BBS4: variants seen among roughly 807,000 people sequenced by gnomAD.
BBS4 encodes BBSome complex member BBS4.
In BBS4, 58 loss-of-function variants were observed where a neutral mutation model predicts 71.4. The ratio of observed to expected loss-of-function variants is 0.81; its 90% CI spans 0.66 to 1.01. The LOEUF (loss-of-function observed/expected upper bound fraction) is 1.01, where lower values mean the gene tolerates loss of function less well. BBS4 is among the 50% of genes least tolerant of loss of function. The pLI, the probability that BBS4 is intolerant of heterozygous loss-of-function variation, is 0.00. For missense variants in BBS4, 660 were observed against 607.9 expected, an observed-to-expected ratio of 1.09 and a Z score of -0.90; for synonymous variants, 228 against 216.8, an observed-to-expected ratio of 1.05 and a Z score of -0.46.
Position 72,735,954 on chromosome 15 carries a change from A to AT in BBS4, c.1239dup (p.Asp414Ter). 6.2e-7 allele frequency: 1 copy of AT among 1,614,134 alleles called. No individual in the cohort carries two copies. ...TACTCAAGGACAATAGCTCTCTGGA[A>AT]TTTGACTCTGAGGTATGTCTTTTAT... is the stretch of plus-strand genomic sequence containing the variant. On this transcript the variant is annotated frameshift_variant, in exon 14 of 16. Coordinates refer to ENST00000268057, the MANE Select transcript of BBS4 (RefSeq NM_033028.5). LOFTEE classifies it high-confidence loss of function.
intron 13 of BBS4, chr15:72,735,557 G>C: frequency 1.8e-6 from 1 of 556,158 alleles, no homozygotes; most frequent in Non-Finnish European, 3.2e-6. Flanking sequence ...AGACAGCAGG[G>C]TAGAGATCCC....
At chr15:72,700,101 G>A (rs940773994) in intron 2 of BBS4, among the ~76,000 whole-genome samples, 1 of 152,008 alleles carries the variant, frequency 6.6e-6, no homozygotes, top group African/African-American at 2.4e-5. Context: ...CACCATGCCC[G>A]GCTAATTTTT....
At chr15:72,702,503 ATAATC>A (rs1406169577) in intron 2 of BBS4, among the ~76,000 whole-genome samples, 6 of 152,166 alleles carry the variant, frequency 3.9e-5, no homozygotes, top group Non-Finnish European at 8.8e-5. Flanking sequence ...AGGAAATAAA[ATAATC>A]TAAGCTATAA....
chr15:72,717,989 C>G (rs769749542), intron 6 of BBS4, among the ~76,000 whole-genome samples: 1 of 152,088 alleles, frequency 6.6e-6, no homozygotes, highest in Non-Finnish European at 1.5e-5. Context: ...GCTGGGATTA[C>G]AGGCGCCTGC....
intron 1 of BBS4, among the ~76,000 whole-genome samples, chr15:72,689,603 C>A (rs1384568355): frequency 6.6e-6 from 1 of 151,748 alleles, no homozygotes; most frequent in Non-Finnish European, 1.5e-5. Context: ...CGTGGTGGCA[C>A]GCGCCTGTCT....
chr15:72,726,403 C>T (rs2065703197), intron 8 of BBS4, among the ~76,000 whole-genome samples: 2 of 130,496 alleles, frequency 1.5e-5, no homozygotes, highest in South Asian at 5.4e-4. Context: ...TGAACCACTG[C>T]GCCCAGCCTT....
At chr15:72,735,755 A>C in intron 13 of BBS4, 70 bp from the exon 14 acceptor site, 1 of 1,594,524 alleles carries the variant, frequency 6.3e-7, no homozygotes, top group Non-Finnish European at 8.6e-7. Flanking sequence ...GTTTTTGTGT[A>C]ATGAGAAGGA....
In BBS4 at chr15:72,733,293, CTCT is replaced by C. The variant is rs1595949928; in HGVS notation, c.1036+1569_1036+1571del. Among the ~76,000 whole-genome samples the C allele has an allele frequency of 2.6e-5, 4 of 152,118 alleles. No individual in the cohort carries two copies. In the East Asian group the frequency reaches 5.8e-4, roughly 22 times the overall value. On this transcript the variant is annotated intron_variant, in intron 12 of 15. Transcript: ENST00000268057. ...CAACACAGTGAGACTCCATTCCTCT[CTCT>C]TTTTTTAAAAATTTTATTTTAGGTT...
chr15:72,705,206 G>A (rs1476676853), intron 2 of BBS4, among the ~76,000 whole-genome samples: 1 of 152,160 alleles, frequency 6.6e-6, no homozygotes, highest in African/African-American at 2.4e-5. Context: ...TGAAATCAGG[G>A]AGTCAGTTTT....
chr15:72,707,831 A>G (rs577678409), intron 2 of BBS4, among the ~76,000 whole-genome samples: 1 of 152,286 alleles, frequency 6.6e-6, no homozygotes, highest in Non-Finnish European at 1.5e-5. Context: ...ATTGTGAGCC[A>G]TTTTCAATGA....
rs2065781524 is a variant in BBS4 at position 72,730,031 on chromosome 15, CT to C, written c.711+350del. ...GTGGCTCACGCCTGTAATCCCAGCA[CT>C]TTGGGAGGCTGAGGTGGGCAGATCA... On this transcript the variant is annotated intron_variant, in intron 10 of 15. Coordinates refer to ENST00000268057, the MANE Select transcript of BBS4 (RefSeq NM_033028.5). Among the ~76,000 whole-genome samples the C allele has an allele frequency of 2.6e-5, 4 of 152,130 alleles. No individual in the cohort carries two copies. In the South Asian group the frequency reaches 8.3e-4, roughly 32 times the overall value.
At chr15:72,708,937 C>G (rs1235167399) in intron 2 of BBS4, among the ~76,000 whole-genome samples, 1 of 152,162 alleles carries the variant, frequency 6.6e-6, no homozygotes, top group Non-Finnish European at 1.5e-5. Context: ...AGATGTTTAT[C>G]AAGACAATTT....
chr15:72,707,569 TA>T (rs2065287548), intron 2 of BBS4, among the ~76,000 whole-genome samples: 2 of 152,220 alleles, frequency 1.3e-5, no homozygotes, highest in Non-Finnish European at 2.9e-5. Context: ...CTAGGCTTAA[TA>T]AAAAACATTT....
At chr15:72,712,687 G>A (rs901113746) in intron 4 of BBS4, among the ~76,000 whole-genome samples, 1 of 152,188 alleles carries the variant, frequency 6.6e-6, no homozygotes, top group African/African-American at 2.4e-5. Context: ...CCTGTATAGA[G>A]TACTTACCAT....
intron 1 of BBS4, among the ~76,000 whole-genome samples, chr15:72,694,242 G>A (rs1001146385): frequency 6.6e-6 from 1 of 151,408 alleles, no homozygotes; most frequent in Non-Finnish European, 1.5e-5. Flanking sequence ...CCAGGCCGGG[G>A]GGCGATGGTA....
At chr15:72,698,633 A>T (rs1318824063) in intron 2 of BBS4, among the ~76,000 whole-genome samples, 1 of 152,102 alleles carries the variant, frequency 6.6e-6, no homozygotes, top group Non-Finnish European at 1.5e-5. Flanking sequence ...CTGTCTGTTG[A>T]TGGGCATTTG....
At position 72,725,053 on chromosome 15, in the gene BBS4, T is replaced by TAG. The variant is rs758482322; in HGVS notation, c.587+399_587+400insGA. Among the ~76,000 whole-genome samples the TAG allele has an allele frequency of 5.0e-3, 517 of 102,776 alleles. 2 individuals are homozygous for TAG. Among genetic ancestry groups the TAG allele is most frequent in the African/African-American group, 0.013 (387 of 30,176 alleles). 67.4% of individuals were successfully genotyped at this position (102,776 alleles called of 152,430 possible). ...AAGCATCTGGCTATATATATATATA[T>TAG]ATATAGAGAGAGAGAGAGAGAGAGA... On this transcript the variant is annotated intron_variant, in intron 8 of 15. Transcript: ENST00000268057.
At position 72,731,456 on chromosome 15, in the gene BBS4, C is replaced by A; in HGVS notation, c.863C>A (p.Ala288Glu). 1.2e-6 allele frequency: 2 copies of A among 1,614,132 alleles called. No homozygotes were observed. Among genetic ancestry groups the A allele is most frequent in the Non-Finnish European group, 1.7e-6 (2 of 1,180,044 alleles). ...MCFFGKKKYV[A>E]AISCLKRANY... ...TTCTTTGGCAAGAAGAAATATGTGG[C>A]GGTGAGTGTCCCCTCATGTTCTTTG... Residue 288 changes from alanine to glutamate, a missense_variant and splice_region_variant, in exon 11 of 16, where the codon GCG (alanine) becomes GAG (glutamate). Coordinates refer to ENST00000268057, the MANE Select transcript of BBS4 (RefSeq NM_033028.5).
chr15:72,713,902 AT>A (rs2151021645), intron 4 of BBS4, among the ~76,000 whole-genome samples: 2 of 152,344 alleles, frequency 1.3e-5, no homozygotes, highest in South Asian at 4.1e-4. Context: ...TTTTTATGGA[AT>A]CTGAATATAA....
Sources: gnomAD v4.1 joint callset for allele counts (sites outside exome capture counted in the v4.1 genomes callset) on GRCh38, gnomAD v4.1.1 for gene constraint, MANE v1.5 for transcripts, NCBI Gene and HGNC (gene_info 2026-07-23, HGNC 2026-07-21) for gene names.